The following TNFSF11 variants were observed in gnomAD, a reference collection of about 807,000 sequenced individuals.
TNFSF11 encodes the protein TNF superfamily member 11, also known as tumor necrosis factor ligand superfamily member 11.
A neutral mutation model predicts 32.2 loss-of-function variants in TNFSF11; 12 were observed. That is an observed-to-expected ratio of 0.37 (90% CI 0.24 to 0.60). The LOEUF is 0.60. TNFSF11 is among the 20% of genes least tolerant of loss of function. The pLI is 0.66. For missense variants in TNFSF11, 345 were observed against 398.0 expected (o/e 0.87, Z 1.13); for synonymous variants, 172 against 152.1 (o/e 1.13, Z -0.96).
At chr13:42,591,486 A>G (rs1048838230) in intron 2 of TNFSF11, among the ~76,000 whole-genome samples, 12 of 152,096 alleles carry the variant, frequency 7.9e-5, no homozygotes, top group Admixed American at 5.9e-4. Context: ...GCTCTGCTCT[A>G]CGGAACCTAG....
chr13:42,599,317 C>CTATA lies in TNFSF11; in HGVS notation c.388-1432_388-1431insATAT, dbSNP rs1398595856. ...TATGTTATTGCCTCTATCTATCTATCTATCTATCTATCTATCTATCTATCT... is the reference window on the plus strand; with the variant it reads ...TATGTTATTGCCTCTATCTATCTATCTATATATCTATCTATCTATCTATCTATCT... On this transcript the variant is annotated intron_variant, in intron 2 of 4. Transcript: ENST00000398795. 3.2e-4 allele frequency among the ~76,000 whole-genome samples: 44 copies of CTATA among 138,396 alleles called. No homozygotes were observed. In the East Asian group the frequency reaches 8.7e-3, roughly 27 times the overall value. The allele number at this position is 138,396 out of a possible 152,430, so 90.8% of individuals were successfully genotyped here.
rs201389502 is a variant in TNFSF11, at chr13:42,600,767, G to A, written c.403G>A (p.Val135Ile). 17 of 1,613,686 alleles carry A rather than the reference G, an allele frequency of 1.1e-5. No homozygotes were observed. The East Asian group carries it at 1.3e-4, about 13-fold the overall frequency. The change falls in exon 3 of 5, where the codon GTT becomes ATT. Residue 135 changes from valine (V) to isoleucine (I), a missense_variant. Val to Ile is a conservative substitution (Grantham distance 29, BLOSUM62 3). Around this residue, in one of 2 missense-constraint regions of TNFSF11, gnomAD observed 197 missense variants for 182.0 expected, o/e 1.08. Coordinates refer to ENST00000398795, the MANE Select transcript of TNFSF11 (RefSeq NM_003701.4). ...GAVQKELQHIVGSQHIRAEKA... is the reference protein window; with the variant it reads ...GAVQKELQHIIGSQHIRAEKA... Reference sequence around the variant, plus strand: ...TTTATTTCAGGAATTACAACATATCGTTGGATCACAGCACATCAGAGCAGA... The same window carrying A: ...TTTATTTCAGGAATTACAACATATCATTGGATCACAGCACATCAGAGCAGA...
chr13:42,589,343 G>C (rs951091874), intron 2 of TNFSF11, among the ~76,000 whole-genome samples: 3 of 152,124 alleles, frequency 2.0e-5, no homozygotes, highest in Non-Finnish European at 4.4e-5. Flanking sequence ...GTGGTCACAT[G>C]AACAGAGGTC....
At chr13:42,576,264 G>A (rs79843656) in intron 1 of TNFSF11, among the ~76,000 whole-genome samples, 6,139 of 152,268 alleles carry the variant, frequency 0.04, 167 homozygotes, top group Middle Eastern at 0.072. Context: ...GGCTTGGCAG[G>A]AGCTGTGGAA....
chr13:42,598,260 G>A (rs1457680734), intron 2 of TNFSF11, among the ~76,000 whole-genome samples: 4 of 152,158 alleles, frequency 2.6e-5, no homozygotes, highest in Non-Finnish European at 5.9e-5. Flanking sequence ...TCCTCTGATG[G>A]AAAGGCAGAT....
At chr13:42,588,306 A>AG (rs1369029485) in intron 2 of TNFSF11, among the ~76,000 whole-genome samples, 1 of 152,234 alleles carries the variant, frequency 6.6e-6, no homozygotes, top group African/African-American at 2.4e-5. Flanking sequence ...GGAAGAAGGT[A>AG]GGAAGCAGGA....
chr13:42,569,130 G>A (rs1340943981), intron 2 of TNFSF11, among the ~76,000 whole-genome samples: 1 of 152,148 alleles, frequency 6.6e-6, no homozygotes, highest in Non-Finnish European at 1.5e-5. Context: ...CAGACTCCGT[G>A]ACTATGTTAC....
rs370138355 is a variant in TNFSF11, at chr13:42,563,531, C to T, written c.-302+568C>T. 1.6e-4 allele frequency among the ~76,000 whole-genome samples: 25 copies of T among 152,058 alleles called. No homozygotes were observed. The East Asian group carries it at 2.3e-3, about 14-fold the overall frequency. On this transcript the variant is annotated intron_variant, in intron 1 of 6. Transcript: ENST00000358545. The stretch of plus-strand genomic sequence containing the variant: ...TACAAAAATTAGCTGGGTGTGGTGG[C>T]GGACACTTGTCATCCCAGCTACTCG...
chr13:42,576,767 T>G (rs1873337450), intron 1 of TNFSF11, among the ~76,000 whole-genome samples: 1 of 152,232 alleles, frequency 6.6e-6, no homozygotes, highest in South Asian at 2.1e-4. Context: ...TTGAGATACA[T>G]TCTGAAATAT....
chr13:42,565,759 G>A (rs1036349653), intron 1 of TNFSF11, among the ~76,000 whole-genome samples: 1 of 152,168 alleles, frequency 6.6e-6, no homozygotes, highest in African/African-American at 2.4e-5. Flanking sequence ...GGTTTCAAGA[G>A]GGGAAGTTAT....
upstream of TNFSF11, among the ~76,000 whole-genome samples, chr13:42,573,929 G>A (rs1364687326): frequency 6.6e-6 from 1 of 152,162 alleles, no homozygotes; most frequent in Non-Finnish European, 1.5e-5. Flanking sequence ...AGCTGAGGAT[G>A]GCAAGGGGAG....
chr13:42,567,963 C>G (rs1872927479), intron 2 of TNFSF11, among the ~76,000 whole-genome samples: 1 of 152,232 alleles, frequency 6.6e-6, no homozygotes, highest in South Asian at 2.1e-4. Context: ...GAGCCCCCAC[C>G]TGTTACACAA....
chr13:42,592,145 C>T (rs542280123), intron 2 of TNFSF11, among the ~76,000 whole-genome samples: 1 of 152,334 alleles, frequency 6.6e-6, no homozygotes, highest in South Asian at 2.1e-4. Context: ...TCCAACTCTT[C>T]AGGCACTAAT....
chr13:42,592,659 T>A (rs572548567), intron 2 of TNFSF11, among the ~76,000 whole-genome samples: 1 of 152,268 alleles, frequency 6.6e-6, no homozygotes, highest in African/African-American at 2.4e-5. Flanking sequence ...GGTCAGGAAG[T>A]CAAGGGGTGT....
In TNFSF11 at chr13:42,607,164, G is replaced by T; in HGVS notation, c.*246G>T. 1 of 494,420 alleles carries T rather than the reference G, an allele frequency of 2.0e-6. No homozygotes were observed. Among genetic ancestry groups the T allele is most frequent in the Non-Finnish European group, 3.6e-6 (1 of 281,440 alleles). 30.6% of individuals were successfully genotyped at this position (494,420 alleles called of 1,614,324 possible). Reference sequence around the variant, plus strand: ...GTAATGAATTCCTAGAATTAAACCAGATTGGAGCAATTACGGGGTGACCTT... The same window carrying T: ...GTAATGAATTCCTAGAATTAAACCATATTGGAGCAATTACGGGGTGACCTT... On this transcript the variant is annotated 3_prime_UTR_variant, in exon 5 of 5. Transcript: ENST00000398795.
chr13:42,586,400 T>C (rs773838930), intron 2 of TNFSF11, among the ~76,000 whole-genome samples: 1 of 152,260 alleles, frequency 6.6e-6, no homozygotes, highest in Non-Finnish European at 1.5e-5. Flanking sequence ...TGTTCTTATT[T>C]ATACGATGCT....
chr13:42,589,811 A>G (rs1265655203), intron 2 of TNFSF11, among the ~76,000 whole-genome samples: 1 of 152,244 alleles, frequency 6.6e-6, no homozygotes, highest in Non-Finnish European at 1.5e-5. Context: ...CCTAGCCTCC[A>G]TCGGTAAACT....
At chr13:42,597,175 T>TGCATGTC (rs11281370) in intron 2 of TNFSF11, among the ~76,000 whole-genome samples, 3 of 151,630 alleles carry the variant, frequency 2.0e-5, no homozygotes, top group African/African-American at 4.9e-5. Context: ...TACCTTGAGG[T>TGCATGTC]TATAGACAGT....
At chr13:42,588,340 G>A (rs545641970) in intron 2 of TNFSF11, among the ~76,000 whole-genome samples, 2 of 152,284 alleles carry the variant, frequency 1.3e-5, no homozygotes, top group South Asian at 4.2e-4. Flanking sequence ...GAAAATAACC[G>A]GTGAGTTATG....
Sources: gnomAD v4.1 joint callset for allele counts (sites outside exome capture counted in the v4.1 genomes callset) on GRCh38, gnomAD v4.1.1 for gene constraint, gnomAD v4.1.1 regional missense constraint, MANE v1.5 for transcripts, NCBI Gene and HGNC (gene_info 2026-07-23, HGNC 2026-07-21) for gene names.